The following OPCML variants were observed in gnomAD, a reference collection of about 807,000 sequenced individuals.
OPCML encodes the protein opioid binding protein/cell adhesion molecule like, also known as opioid-binding protein/cell adhesion molecule.
A neutral mutation model predicts 37.8 loss-of-function variants in OPCML; 13 were observed. The observed-to-expected ratio is 0.34, with a 90% CI of 0.22 to 0.55. The LOEUF is 0.55. Ranked by LOEUF, OPCML falls within the 20% of genes least tolerant of loss-of-function variation. The pLI is 0.91. For synonymous variants in OPCML, 176 were observed against 168.8 expected, an observed-to-expected ratio of 1.04 and a Z score of -0.33; for missense variants, 341 against 435.6, an observed-to-expected ratio of 0.78 and a Z score of 1.93.
At chr11:132,588,209 G>T (rs758210645) in intron 3 of OPCML, among the ~76,000 whole-genome samples, 1 of 152,036 alleles carries the variant, frequency 6.6e-6, no homozygotes, top group Non-Finnish European at 1.5e-5. Context: ...GGGATCTGGT[G>T]GTTCCCTGGG....
chr11:133,251,129 A>G (rs1182686487), intron 1 of OPCML, among the ~76,000 whole-genome samples: 1 of 152,170 alleles, frequency 6.6e-6, no homozygotes, highest in Non-Finnish European at 1.5e-5. Flanking sequence ...GCTTATGGCT[A>G]AAAGATTATT....
rs965397328 is a variant in OPCML at position 133,518,967 on chromosome 11, G to A, written c.61+13297C>T. On this transcript the variant is annotated intron_variant, in intron 1 of 7. Transcript: ENST00000524381. ...CCACAGAGGTGCTTGCCCTGTGGGT[G>A]ACAGTCCCTGAAAGCCTCTCTCCTC... 3.7e-4 allele frequency among the ~76,000 whole-genome samples: 56 copies of A among 152,224 alleles called. 1 individual carries two copies. The highest frequency in any genetic ancestry group is 1.2e-3 in the African/African-American group (50 of 41,524).
chr11:132,426,796 C>A (rs1190270153), intron 7 of OPCML, among the ~76,000 whole-genome samples: 3 of 152,178 alleles, frequency 2.0e-5, no homozygotes, highest in African/African-American at 7.2e-5. Context: ...GCCACACCTA[C>A]CACATAAGAA....
chr11:132,857,882 T>C (rs929630480), intron 2 of OPCML, among the ~76,000 whole-genome samples: 21 of 152,096 alleles, frequency 1.4e-4, no homozygotes, highest in African/African-American at 2.4e-5. Flanking sequence ...TTTAAGCATG[T>C]AAAAAGGCCC....
chr11:132,840,243 T>C (rs1301915748), intron 2 of OPCML, among the ~76,000 whole-genome samples: 3 of 152,178 alleles, frequency 2.0e-5, no homozygotes, highest in Admixed American at 1.3e-4. Context: ...TTTTCAGATA[T>C]GGCAAGTAGT....
intron 2 of OPCML, among the ~76,000 whole-genome samples, chr11:132,817,890 G>T (rs1939724668): frequency 6.6e-6 from 1 of 151,954 alleles, no homozygotes; most frequent in African/African-American, 2.4e-5. Flanking sequence ...AAACTTTAAA[G>T]AAATAAAACA....
At chr11:132,963,916 T>C (rs759824611) in intron 1 of OPCML, among the ~76,000 whole-genome samples, 6 of 152,138 alleles carry the variant, frequency 3.9e-5, no homozygotes, top group Non-Finnish European at 7.4e-5. Context: ...CCTTCTGTAG[T>C]TACACACTTG....
intron 1 of OPCML, among the ~76,000 whole-genome samples, chr11:133,095,506 A>C (rs1457885547): frequency 6.7e-6 from 1 of 149,124 alleles, no homozygotes; most frequent in Non-Finnish European, 1.5e-5. Flanking sequence ...TGAGAAAATG[A>C]AAGGATGGAT....
At chr11:133,140,186 C>CAGTAAT (rs1555101955) in intron 1 of OPCML, among the ~76,000 whole-genome samples, 2 of 124,802 alleles carry the variant, frequency 1.6e-5, no homozygotes, top group African/African-American at 6.2e-5. Flanking sequence ...GACTCCGTCT[C>CAGTAAT]AATAATAATA....
Position 133,004,757 on chromosome 11 carries a change from G to A in OPCML, c.62-61747C>T, listed in dbSNP as rs1280126983. ...GTTCACACCGGACGCGTGGATGGACGCTGGCTCAGAAGCGAGATCACACTG... is the reference window on the plus strand; with the variant it reads ...GTTCACACCGGACGCGTGGATGGACACTGGCTCAGAAGCGAGATCACACTG... On this transcript the variant is annotated intron_variant, in intron 1 of 7. Coordinates refer to ENST00000524381, the MANE Select transcript of OPCML (RefSeq NM_001012393.5). 13 of 985,084 alleles carry A rather than the reference G, an allele frequency of 1.3e-5. No homozygotes were observed. The East Asian group carries it at 5.7e-4, about 43-fold the overall frequency. The allele number at this position is 985,084 out of a possible 1,614,324, so 61.0% of individuals were successfully genotyped here. A position where few individuals can be genotyped will look rare whatever the true frequency, so the allele number is the denominator to read the frequency against.
At chr11:133,081,149 T>C (rs967401221) in intron 1 of OPCML, among the ~76,000 whole-genome samples, 15 of 152,158 alleles carry the variant, frequency 9.9e-5, no homozygotes, top group Admixed American at 9.2e-4. Flanking sequence ...GACTTCAGGG[T>C]GACAGGCGCA....
chr11:132,628,310 A>C (rs1286544708), intron 3 of OPCML, among the ~76,000 whole-genome samples: 1 of 152,212 alleles, frequency 6.6e-6, no homozygotes, highest in Admixed American at 6.5e-5. Context: ...AGAAAAGTAT[A>C]ATTGTAATGT....
At position 132,943,978 on chromosome 11, in the gene OPCML, C is replaced by T. The variant is rs1945676245; in HGVS notation, c.62-968G>A. On this transcript the variant is annotated intron_variant, in intron 1 of 7. Coordinates refer to ENST00000524381, the MANE Select transcript of OPCML (RefSeq NM_001012393.5). This position sits in a 1 kb window ranked among gnomAD's most constrained non-coding sequence, Gnocchi z 4.3. ...TCCATCCCTGACCGCCACTTTCTCC[C>T]GGTGCCGCCTCGGAGCGAGCGGGCT... Among the ~76,000 whole-genome samples, 1 of 151,856 alleles carries T rather than the reference C, an allele frequency of 6.6e-6. No individual in the cohort carries two copies. The highest frequency in any genetic ancestry group is 2.1e-4 in the South Asian group (1 of 4,838).
chr11:132,512,244 T>C (rs1473521141), intron 4 of OPCML, among the ~76,000 whole-genome samples: 2 of 152,064 alleles, frequency 1.3e-5, no homozygotes, highest in Non-Finnish European at 2.9e-5. Context: ...GGAACAGCTA[T>C]AGTGCTTATA....
intron 2 of OPCML, among the ~76,000 whole-genome samples, chr11:132,863,158 T>C (rs1171915074): frequency 2.0e-5 from 3 of 152,146 alleles, no homozygotes; most frequent in African/African-American, 7.2e-5. Context: ...CCTTCCTGCC[T>C]GTAGCTACAT....
chr11:133,118,883 C>T (rs937978778), intron 1 of OPCML, among the ~76,000 whole-genome samples: 1 of 152,152 alleles, frequency 6.6e-6, no homozygotes, highest in Non-Finnish European at 1.5e-5. Context: ...CCAGTGGAGA[C>T]CCTCCACCAA....
chr11:133,191,569 G>C (rs1359553537), intron 1 of OPCML, among the ~76,000 whole-genome samples: 1 of 151,470 alleles, frequency 6.6e-6, no homozygotes, highest in African/African-American at 2.4e-5. Flanking sequence ...CCAGGCTGGA[G>C]TACAAAGGCG....
chr11:132,612,949 A>G (rs929816554), intron 3 of OPCML, among the ~76,000 whole-genome samples: 3 of 152,174 alleles, frequency 2.0e-5, no homozygotes, highest in Non-Finnish European at 4.4e-5. Flanking sequence ...TAGACAGCCA[A>G]TCAGAGGATG....
At chr11:132,499,885 C>T (rs115851642) in intron 4 of OPCML, among the ~76,000 whole-genome samples, 36 of 152,278 alleles carry the variant, frequency 2.4e-4, no homozygotes, top group African/African-American at 7.5e-4. Context: ...AGCCAACATT[C>T]GAGGACAATA....
Sources: gnomAD v4.1 joint callset for allele counts (sites outside exome capture counted in the v4.1 genomes callset) on GRCh38, gnomAD v4.1.1 for gene constraint, Gnocchi (gnomAD v3.1) non-coding constraint, MANE v1.5 for transcripts, NCBI Gene and HGNC (gene_info 2026-07-23, HGNC 2026-07-21) for gene names.